KLHL7: variants seen among roughly 807,000 people sequenced by gnomAD.
KLHL7 encodes the protein kelch like family member 7.
In KLHL7, 44 loss-of-function variants were observed where a neutral mutation model predicts 67.4. The observed-to-expected ratio is 0.65, with a 90% CI of 0.51 to 0.84. The LOEUF (loss-of-function observed/expected upper bound fraction) is 0.84, where lower values mean the gene tolerates loss of function less well. Ranked by LOEUF, KLHL7 falls within the 40% of genes least tolerant of loss-of-function variation. The probability of loss-of-function intolerance (pLI) is 0.00; values close to 1 mark genes in which losing one functional copy is unlikely to be tolerated. For missense variants in KLHL7, 362 were observed against 718.1 expected (o/e 0.50, Z 5.67); for synonymous variants, 252 against 243.3 (o/e 1.04, Z -0.33).
At chr7:23,161,140 G>T (rs1784843350) in intron 7 of KLHL7, among the ~76,000 whole-genome samples, 1 of 152,020 alleles carries the variant, frequency 6.6e-6, no homozygotes, top group South Asian at 2.1e-4. Flanking sequence ...CATATTCTTT[G>T]TAGAAAATAT....
At chr7:23,131,398 A>G (rs1259929490) in intron 4 of KLHL7, among the ~76,000 whole-genome samples, 3 of 152,210 alleles carry the variant, frequency 2.0e-5, no homozygotes, top group Admixed American at 1.3e-4. Context: ...AAAAAAAATT[A>G]TTGTTGATCT....
chr7:23,125,558 T>C (rs1298622065), intron 4 of KLHL7, among the ~76,000 whole-genome samples: 1 of 152,148 alleles, frequency 6.6e-6, no homozygotes, highest in Non-Finnish European at 1.5e-5. Context: ...TTGCCAGAGG[T>C]CACATAGCTA....
At position 23,130,031 on chromosome 7, in the gene KLHL7, G is replaced by A. The variant is rs147586296; in HGVS notation, c.442+4859G>A. Among the ~76,000 whole-genome samples, 330 of 152,280 alleles carry A rather than the reference G, an allele frequency of 2.2e-3. 4 individuals carry two copies. The highest frequency in any genetic ancestry group is 0.017 in the South Asian group (80 of 4,820). On this transcript the variant is annotated intron_variant, in intron 4 of 10. Coordinates refer to ENST00000339077, the MANE Select transcript of KLHL7 (RefSeq NM_001031710.3). ...TCTGGATACTAATGATGTGCCAGAT[G>A]AATCAGGTACTGATTCATCTTTTGA...
chr7:23,137,112 G>A (rs1028391694), intron 4 of KLHL7, among the ~76,000 whole-genome samples: 47 of 151,966 alleles, frequency 3.1e-4, no homozygotes, highest in African/African-American at 1.1e-3. Flanking sequence ...TGGGGAAATC[G>A]CATCTCTACT....
At chr7:23,145,425 G>A (rs994605627) in intron 6 of KLHL7, among the ~76,000 whole-genome samples, 5 of 151,884 alleles carry the variant, frequency 3.3e-5, no homozygotes, top group Admixed American at 2.6e-4. Flanking sequence ...TATGTTGTCT[G>A]TATTTTCTAT....
At chr7:23,155,670 AAAC>A in intron 7 of KLHL7, among the ~76,000 whole-genome samples, 1 of 151,538 alleles carries the variant, frequency 6.6e-6, no homozygotes, top group Admixed American at 6.6e-5. Flanking sequence ...CAAAAAAACA[AAAC>A]AAAACAAAAC....
chr7:23,148,449 T>C (rs1784431580), intron 6 of KLHL7, among the ~76,000 whole-genome samples: 2 of 150,908 alleles, frequency 1.3e-5, no homozygotes, highest in African/African-American at 4.9e-5. Flanking sequence ...GGCTAGTGTC[T>C]TGGAAAACCA....
At chr7:23,152,278 A>T in intron 7 of KLHL7, 69 bp downstream of exon 7, 1 of 1,418,530 alleles carries the variant, frequency 7.0e-7, no homozygotes, top group Non-Finnish European at 1.0e-6. Flanking sequence ...ACACTCACCA[A>T]CTAGAAGTAG....
At chr7:23,140,631 C>T in intron 4 of KLHL7, 138 bp from the exon 5 acceptor site, 1 of 761,282 alleles carries the variant, frequency 1.3e-6, no homozygotes, top group South Asian at 1.5e-5. Flanking sequence ...CAAGAATAGA[C>T]AAATCAATGA....
At chr7:23,134,213 G>A (rs1427687890) in intron 4 of KLHL7, among the ~76,000 whole-genome samples, 1 of 151,924 alleles carries the variant, frequency 6.6e-6, no homozygotes, top group East Asian at 1.9e-4. Flanking sequence ...ATTTTCTTAT[G>A]GTTTTTATCT....
At position 23,123,720 on chromosome 7, in the gene KLHL7, A is replaced by G. The variant is rs1783445351; in HGVS notation, c.121-57A>G. 5.2e-6 allele frequency: 6 copies of G among 1,156,762 alleles called. No homozygotes were observed. The Admixed American group carries it at 5.3e-5, about 10-fold the overall frequency. The allele number at this position is 1,156,762 out of a possible 1,614,324, so 71.7% of individuals were successfully genotyped here. On this transcript the variant is annotated intron_variant, in intron 1 of 10. Transcript: ENST00000339077. ...TTTGGCAAGCACCTTTTTAACATGT[A>G]TTGCCAAGCTAGGCTAGTGAGCCTC...
chr7:23,153,216 T>C, intron 7 of KLHL7, among the ~76,000 whole-genome samples: 1 of 49,950 alleles, frequency 2.0e-5, no homozygotes, highest in Admixed American at 1.4e-4. Context: ...AAACAATTCC[T>C]GAGGCGGCGG....
intron 8 of KLHL7, among the ~76,000 whole-genome samples, chr7:23,166,860 G>GT (rs200058303): frequency 6.6e-6 from 1 of 151,478 alleles, no homozygotes; most frequent in East Asian, 1.9e-4. Flanking sequence ...TTAAGTAGTA[G>GT]TTTTTTTTTA....
At chr7:23,106,607 C>T in intron 1 of KLHL7, 2 of 1,041,496 alleles carry the variant, frequency 1.9e-6, no homozygotes, top group Non-Finnish European at 2.3e-6. Context: ...CCGCCCCCTC[C>T]TGTGTTCCCC....
chr7:23,105,958 A>C lies in KLHL7; in HGVS notation c.-69A>C. 6.4e-7 allele frequency: 1 copy of C among 1,573,290 alleles called. No homozygotes were observed. Among genetic ancestry groups the C allele is most frequent in the Non-Finnish European group, 8.6e-7 (1 of 1,163,862 alleles). ...GCCGTGTTTGGTCGATAGAATCCCC[A>C]GTGTGCCCAGAGAGTGCGACCCCTC... On this transcript the variant is annotated 5_prime_UTR_variant, in exon 1 of 11. Transcript: ENST00000339077.
intron 1 of KLHL7, among the ~76,000 whole-genome samples, chr7:23,110,786 C>T (rs772061811): frequency 3.3e-4 from 39 of 117,674 alleles, no homozygotes; most frequent in Admixed American, 5.7e-4. Flanking sequence ...CCACAACAGT[C>T]CCCAAAGTGT....
At chr7:23,145,818 C>A (rs78066546) in intron 6 of KLHL7, among the ~76,000 whole-genome samples, 1,728 of 152,314 alleles carry the variant, frequency 0.011, 40 homozygotes, top group African/African-American at 0.04. Flanking sequence ...ACAGCCTTGA[C>A]CTGTCCGGCA....
chr7:23,108,768 A>C (rs879641485), intron 1 of KLHL7, among the ~76,000 whole-genome samples: 2 of 152,182 alleles, frequency 1.3e-5, no homozygotes, highest in Non-Finnish European at 2.9e-5. Flanking sequence ...CCTGTGTTTG[A>C]ACTTATATAA....
At chr7:23,123,707 C>G (rs556503123) in intron 1 of KLHL7, 70 bp from the exon 2 acceptor site, 13 of 998,696 alleles carry the variant, frequency 1.3e-5, no homozygotes, top group Non-Finnish European at 2.0e-5. Context: ...TGGCAAGCAC[C>G]TTTTTAACAT....
Sources: allele counts gnomAD v4.1 joint callset (sites outside exome capture counted in the v4.1 genomes callset), GRCh38; gene constraint gnomAD v4.1.1; transcripts MANE v1.5; gene names NCBI Gene and HGNC (gene_info 2026-07-23, HGNC 2026-07-21).